The following SGCZ variants were observed in gnomAD, a reference collection of about 807,000 sequenced individuals.
SGCZ encodes sarcoglycan zeta, also known as zeta-sarcoglycan.
SGCZ carries 40 observed loss-of-function variants against 41.3 expected under a neutral mutation model. The observed-to-expected ratio is 0.97, with a 90% CI of 0.75 to 1.26. The LOEUF (loss-of-function observed/expected upper bound fraction) is 1.26. SGCZ is among the 50% of genes most tolerant of loss of function. SGCZ has a pLI of 0.00. For synonymous variants in SGCZ, 206 were observed against 137.5 expected, an observed-to-expected ratio of 1.50 and a Z score of -3.49; for missense variants, 552 against 369.8, an observed-to-expected ratio of 1.49 and a Z score of -4.04.
At chr8:14,861,656 C>G (rs937744082) in intron 1 of SGCZ, among the ~76,000 whole-genome samples, 3 of 151,958 alleles carry the variant, frequency 2.0e-5, no homozygotes, top group Non-Finnish European at 4.4e-5. Flanking sequence ...AACATGATTT[C>G]CATTTTAGAA....
intron 1 of SGCZ, among the ~76,000 whole-genome samples, chr8:15,230,159 A>G (rs1244430957): frequency 4.6e-5 from 7 of 151,338 alleles, no homozygotes; most frequent in Admixed American, 1.3e-4. Flanking sequence ...AAACTAAAAT[A>G]AGTCACTATG....
chr8:14,679,784 C>G (rs893774023), intron 1 of SGCZ, among the ~76,000 whole-genome samples: 3 of 152,034 alleles, frequency 2.0e-5, no homozygotes, highest in Non-Finnish European at 2.9e-5. Flanking sequence ...GCCACCTACT[C>G]ACCCAGAATA....
chr8:14,237,524 C>G, intron 4 of SGCZ, 68 bp downstream of exon 4: 3 of 1,442,468 alleles, frequency 2.1e-6, no homozygotes, highest in Non-Finnish European at 2.9e-6. Flanking sequence ...CAACAAGAAC[C>G]AAAAACCAAA....
intron 1 of SGCZ, among the ~76,000 whole-genome samples, chr8:15,232,776 T>C (rs559917666): frequency 1.5e-5 from 2 of 131,182 alleles, no homozygotes; most frequent in African/African-American, 2.7e-5. Flanking sequence ...TGTATATATA[T>C]ACATATATAT....
chr8:14,356,262 A>C (rs972698325), intron 2 of SGCZ, among the ~76,000 whole-genome samples: 7 of 152,328 alleles, frequency 4.6e-5, no homozygotes, highest in Non-Finnish European at 8.8e-5. Context: ...TCAACTTAAC[A>C]GTGGGTTTAT....
chr8:15,012,750 AAT>A (rs1375787399), intron 1 of SGCZ, among the ~76,000 whole-genome samples: 1 of 147,118 alleles, frequency 6.8e-6, no homozygotes, highest in Non-Finnish European at 1.5e-5. Context: ...ATAGAATATA[AAT>A]ATGTTTATAT....
chr8:14,607,888 A>T (rs73194118), intron 1 of SGCZ, among the ~76,000 whole-genome samples: 6,582 of 152,302 alleles, frequency 0.043, 194 homozygotes, highest in South Asian at 0.15. Flanking sequence ...TACTACTCAA[A>T]AACAATTTTT....
chr8:14,578,665 C>T lies in SGCZ; in HGVS notation c.40-23739G>A, dbSNP rs73535230. On this transcript the variant is annotated intron_variant, in intron 1 of 7. Transcript: ENST00000382080. ...ATTCTGAGGTCAATTTCAGAAAATT[C>T]GGTGATGAATAATAAGGGATATTAC... Among the ~76,000 whole-genome samples the T allele has an allele frequency of 7.2e-3, 1,098 of 152,132 alleles. 12 individuals are homozygous for T. Among genetic ancestry groups the T allele is most frequent in the African/African-American group, 0.025 (1,044 of 41,486 alleles).
intron 4 of SGCZ, among the ~76,000 whole-genome samples, chr8:14,167,740 T>C (rs1402621263): frequency 6.6e-6 from 1 of 152,188 alleles, no homozygotes; most frequent in Non-Finnish European, 1.5e-5. Context: ...AGGACAAGCA[T>C]AAAGCCAATT....
At chr8:14,594,823 C>A (rs551546213) in intron 1 of SGCZ, among the ~76,000 whole-genome samples, 6 of 151,780 alleles carry the variant, frequency 4.0e-5, no homozygotes, top group South Asian at 2.1e-4. Context: ...AATGTTATGA[C>A]GTAAGACGTT....
intron 2 of SGCZ, 28 bp downstream of exon 2, chr8:14,554,704 T>A (rs763087601): frequency 1.3e-6 from 2 of 1,575,958 alleles, no homozygotes; most frequent in African/African-American, 1.3e-5. Flanking sequence ...CCAAGAGCAA[T>A]AAGATGTAAA....
At chr8:14,613,382 A>G (rs1414544339) in intron 1 of SGCZ, among the ~76,000 whole-genome samples, 1 of 152,194 alleles carries the variant, frequency 6.6e-6, no homozygotes, top group Non-Finnish European at 1.5e-5. Context: ...TAATTAACAA[A>G]AGAAATAGCA....
intron 1 of SGCZ, among the ~76,000 whole-genome samples, chr8:15,143,568 T>A (rs1798958469): frequency 6.6e-6 from 1 of 152,206 alleles, no homozygotes; most frequent in Non-Finnish European, 1.5e-5. Context: ...TTAAGTTACT[T>A]CTTTCTGAAA....
chr8:15,012,814 T>C (rs1215171746), intron 1 of SGCZ, among the ~76,000 whole-genome samples: 1 of 150,670 alleles, frequency 6.6e-6, no homozygotes. Context: ...TATATATACG[T>C]ATACAAGAAT....
At chr8:14,345,441 G>A (rs931017315) in intron 2 of SGCZ, among the ~76,000 whole-genome samples, 5 of 152,218 alleles carry the variant, frequency 3.3e-5, no homozygotes, top group Admixed American at 6.5e-5. Flanking sequence ...AAAAAAATGT[G>A]TGAATGTTTC....
intron 2 of SGCZ, among the ~76,000 whole-genome samples, chr8:14,338,950 A>C (rs1802601007): frequency 6.6e-6 from 1 of 152,198 alleles, no homozygotes; most frequent in Non-Finnish European, 1.5e-5. Flanking sequence ...AAGTGCACAG[A>C]CATTGTTAAG....
At chr8:14,917,582 A>T (rs1799473110) in intron 1 of SGCZ, among the ~76,000 whole-genome samples, 1 of 152,098 alleles carries the variant, frequency 6.6e-6, no homozygotes, top group Non-Finnish European at 1.5e-5. Flanking sequence ...TCCACAGCAA[A>T]GAACCTCTTA....
At chr8:15,020,585 C>T (rs1585480545) in intron 1 of SGCZ, among the ~76,000 whole-genome samples, 2 of 152,242 alleles carry the variant, frequency 1.3e-5, no homozygotes, top group South Asian at 4.1e-4. Context: ...TTTGAAGTCA[C>T]CTCAACCAGA....
chr8:14,313,613 G>A (rs1402599214), intron 3 of SGCZ, among the ~76,000 whole-genome samples: 1 of 152,140 alleles, frequency 6.6e-6, no homozygotes, highest in African/African-American at 2.4e-5. Flanking sequence ...TGGGATTACA[G>A]GTGTGGGCCA....
Sources: allele counts gnomAD v4.1 joint callset (sites outside exome capture counted in the v4.1 genomes callset), GRCh38; gene constraint gnomAD v4.1.1; transcripts MANE v1.5; gene names NCBI Gene and HGNC (gene_info 2026-07-23, HGNC 2026-07-21).